The following PCNX1 variants were observed in gnomAD, a reference collection of about 807,000 sequenced individuals.
PCNX1 encodes pecanex 1, also known as pecanex-like protein 1.
PCNX1 carries 78 observed loss-of-function variants against 242.2 expected under a neutral mutation model. That is an observed-to-expected ratio of 0.32 (90% confidence interval 0.27 to 0.39). The LOEUF (loss-of-function observed/expected upper bound fraction) is 0.39. Ranked by LOEUF, PCNX1 falls within the 10% of genes least tolerant of loss-of-function variation. The pLI, the probability that PCNX1 is intolerant of heterozygous loss-of-function variation, is 1.00. For missense variants in PCNX1, 2,581 were observed against 2,856.5 expected (o/e 0.90, Z 2.20); for synonymous variants, 1,024 against 1,032.9 (o/e 0.99, Z 0.17).
chr14:70,938,861 G>GTACAC (rs2140231403), intron 1 of PCNX1, among the ~76,000 whole-genome samples: 1 of 152,170 alleles, frequency 6.6e-6, no homozygotes, highest in South Asian at 2.1e-4. Flanking sequence ...GTCTTGGGAG[G>GTACAC]GTGTATGTGT....
chr14:71,028,324 G>A (rs1371972433), intron 15 of PCNX1, among the ~76,000 whole-genome samples: 3 of 151,950 alleles, frequency 2.0e-5, no homozygotes, highest in Non-Finnish European at 4.4e-5. Context: ...ATAGATAAAT[G>A]TTTTTCAGTG....
rs1491281205 is a variant in PCNX1, at chr14:71,003,081, T to TG, written c.2630-6553_2630-6552insG. Reference sequence around the variant, plus strand: ...AAAAATCGGGTTGTTGGTTGTCTTCTTTTTTTTTTTTTTTTTTTTGAGACA... The same window carrying TG: ...AAAAATCGGGTTGTTGGTTGTCTTCTGTTTTTTTTTTTTTTTTTTTGAGACA... On this transcript the variant is annotated intron_variant, in intron 8 of 35. Transcript: ENST00000304743. Among the ~76,000 whole-genome samples, 23 of 47,076 alleles carry TG rather than the reference T, an allele frequency of 4.9e-4. 1 individual carries two copies. In the East Asian group the frequency reaches 0.021, roughly 42 times the overall value. The allele number at this position is 47,076 out of a possible 152,430, so 30.9% of individuals were successfully genotyped here.
At chr14:70,973,145 C>T (rs1206851941) in intron 5 of PCNX1, among the ~76,000 whole-genome samples, 1 of 149,340 alleles carries the variant, frequency 6.7e-6, no homozygotes, top group Non-Finnish European at 1.5e-5. Flanking sequence ...CTCAGCTACC[C>T]AAGAGGCTGA....
At chr14:70,964,016 G>T (rs191493810) in intron 3 of PCNX1, among the ~76,000 whole-genome samples, 31 of 152,110 alleles carry the variant, frequency 2.0e-4, no homozygotes, top group Non-Finnish European at 5.9e-5. Context: ...TTTTGTTGTT[G>T]TTGTTTGTTT....
At chr14:70,944,999 A>G (rs1045670616) in intron 1 of PCNX1, among the ~76,000 whole-genome samples, 1 of 152,100 alleles carries the variant, frequency 6.6e-6, no homozygotes, top group African/African-American at 2.4e-5. Context: ...AGTCTTGGGT[A>G]TTTCTTCATA....
At chr14:71,090,417 A>C (rs1257033125) in intron 30 of PCNX1, among the ~76,000 whole-genome samples, 1 of 152,176 alleles carries the variant, frequency 6.6e-6, no homozygotes, top group Non-Finnish European at 1.5e-5. Context: ...AAGGTGACTT[A>C]CTCTTCAAGT....
chr14:70,918,268 T>G (rs868858737), intron 1 of PCNX1, among the ~76,000 whole-genome samples: 4 of 152,244 alleles, frequency 2.6e-5, no homozygotes, highest in African/African-American at 9.6e-5. Flanking sequence ...GCTTTCTACC[T>G]GTCTTGGCTT....
At position 70,977,037 on chromosome 14, in the gene PCNX1, A is replaced by G. The variant is rs1428985804; in HGVS notation, c.700A>G (p.Arg234Gly). Residue 234 changes from arginine (R) to glycine (G), a missense_variant, in exon 6 of 36, where the codon AGG becomes GGG. Around this residue, in one of 9 missense-constraint regions of PCNX1, gnomAD observed 1,204 missense variants for 1,216.7 expected, o/e 0.99. Coordinates refer to ENST00000304743, the MANE Select transcript of PCNX1 (RefSeq NM_014982.3). ...SLSSCGQDLPRDFSDKVNLPS... is the reference protein window; with the variant it reads ...SLSSCGQDLPGDFSDKVNLPS... ...ATCCTCTTGTGGACAGGACTTGCCAAGGGACTTCAGTGACAAAGTGAACCT... is the reference window on the plus strand; with the variant it reads ...ATCCTCTTGTGGACAGGACTTGCCAGGGGACTTCAGTGACAAAGTGAACCT... The G allele has an allele frequency of 3.7e-6, 6 of 1,614,190 alleles. No homozygotes were observed. Among genetic ancestry groups the G allele is most frequent in the Non-Finnish European group, 3.4e-6 (4 of 1,180,028 alleles).
chr14:70,995,715 T>C (rs2059328937), intron 7 of PCNX1, 26 bp from the exon 8 acceptor site: 2 of 1,603,182 alleles, frequency 1.2e-6, no homozygotes, highest in Admixed American at 1.7e-5. Flanking sequence ...CCCTGTAATG[T>C]CTCCCCAATC....
At chr14:70,993,631 C>T (rs563020960) in intron 7 of PCNX1, among the ~76,000 whole-genome samples, 28 of 152,108 alleles carry the variant, frequency 1.8e-4, no homozygotes, top group African/African-American at 6.3e-4. Flanking sequence ...TACTCAAATG[C>T]GTTCATGCCA....
intron 27 of PCNX1, among the ~76,000 whole-genome samples, chr14:71,075,212 A>G (rs2141454514): frequency 6.6e-6 from 1 of 151,984 alleles, no homozygotes; most frequent in South Asian, 2.1e-4. Flanking sequence ...CCAGGCTCTC[A>G]AACTCTGGGC....
intron 26 of PCNX1, among the ~76,000 whole-genome samples, chr14:71,062,318 A>G (rs1320726942): frequency 6.6e-6 from 1 of 151,858 alleles, no homozygotes; most frequent in Non-Finnish European, 1.5e-5. Context: ...GATATTGATG[A>G]CCCTGAGCCT....
rs993354877 is a variant in PCNX1 at position 71,033,517 on chromosome 14, G to A, written c.3647G>A (p.Ser1216Asn). Residue 1216 changes from serine (S) to asparagine (N), a missense_variant, in exon 17 of 36, where the codon AGC (serine) becomes AAC (asparagine). Physicochemically the swap from Ser to Asn is conservative, Grantham distance 46 (BLOSUM62 1). Around this residue, in one of 9 missense-constraint regions of PCNX1, gnomAD observed 432 missense variants for 443.1 expected, o/e 0.97. Coordinates refer to ENST00000304743, the MANE Select transcript of PCNX1 (RefSeq NM_014982.3). ...GTGTCTTACCATCTCAGCCGACAAA[G>A]CAGTGATCCATCTGTACTTTTGTAA... ...VAVSYHLSRQSSDPSVLFSLV... is the reference protein window; with the variant it reads ...VAVSYHLSRQNSDPSVLFSLV... 1 of 1,584,228 alleles carries A rather than the reference G, an allele frequency of 6.3e-7. No homozygotes were observed. Among genetic ancestry groups the A allele is most frequent in the African/African-American group, 1.3e-5 (1 of 74,394 alleles).
chr14:71,053,482 T>C (rs2061097383), intron 24 of PCNX1: 2 of 341,176 alleles, frequency 5.9e-6, no homozygotes, highest in Admixed American at 8.3e-5. Flanking sequence ...CACACCTGGC[T>C]ATTTTTTGTA....
Position 71,015,446 on chromosome 14 carries a change from AT to A in PCNX1, c.2996+2246del, listed in dbSNP as rs2059936886. ...CAGAGGGGACAAATAAAAGCATACT[AT>A]TGTAAGTTTCTTATATGTAAAGTGA... is the stretch of plus-strand genomic sequence containing the variant. On this transcript the variant is annotated intron_variant, in intron 11 of 35. Coordinates refer to ENST00000304743, the MANE Select transcript of PCNX1 (RefSeq NM_014982.3). 2.6e-5 allele frequency among the ~76,000 whole-genome samples: 4 copies of A among 152,202 alleles called. No homozygotes were observed. In the South Asian group the frequency reaches 8.3e-4, roughly 31 times the overall value.
intron 23 of PCNX1, among the ~76,000 whole-genome samples, chr14:71,051,092 C>T (rs181869730): frequency 5.3e-4 from 74 of 140,566 alleles, no homozygotes; most frequent in Admixed American, 2.0e-3. Context: ...CTCTTGAATC[C>T]AGGAGGTAGA....
rs141826688 is a variant in PCNX1, at chr14:70,977,380, A to G, written c.1043A>G (p.Asn348Ser). The change falls in exon 6 of 36, where the codon AAT becomes AGT. Residue 348 changes from asparagine (N) to serine (S), a missense_variant. Physicochemically the swap from Asn to Ser is conservative, Grantham distance 46. Around this residue, in one of 9 missense-constraint regions of PCNX1, gnomAD observed 1,204 missense variants for 1,216.7 expected, o/e 0.99. Transcript: ENST00000304743. ...CAGCTTGCTGGTGACTTGAAAATCA[A>G]TACTTCTCAGCCACCCACAAAAAGT... ...EFQLAGDLKINTSQPPTKSGK... is the reference protein window; with the variant it reads ...EFQLAGDLKISTSQPPTKSGK... 402 of 1,614,164 alleles carry G rather than the reference A, an allele frequency of 2.5e-4. 5 individuals carry two copies. The East Asian group carries it at 7.5e-3, about 30-fold the overall frequency.
chr14:71,014,841 T>C (rs919573977), intron 11 of PCNX1, among the ~76,000 whole-genome samples: 11 of 152,102 alleles, frequency 7.2e-5, no homozygotes, highest in African/African-American at 2.4e-4. Flanking sequence ...TTTCCAAATT[T>C]GATGAAAACT....
At chr14:71,092,546 T>G (rs1275012347) in intron 30 of PCNX1, 1 of 152,324 alleles carries the variant, frequency 6.6e-6, no homozygotes, top group Non-Finnish European at 1.5e-5. Context: ...CCAGATGCCA[T>G]TAAGAAAATC....
Sources: gnomAD v4.1 joint callset for allele counts (sites outside exome capture counted in the v4.1 genomes callset) on GRCh38, gnomAD v4.1.1 for gene constraint, gnomAD v4.1.1 regional missense constraint, MANE v1.5 for transcripts, NCBI Gene and HGNC (gene_info 2026-07-23, HGNC 2026-07-21) for gene names.